Variants in MACROD2 observed in about 807,000 individuals in gnomAD.
The protein encoded by MACROD2 is mono-ADP ribosylhydrolase 2, also known as ADP-ribose glycohydrolase MACROD2.
MACROD2 carries 36 observed loss-of-function variants against 70.4 expected under a neutral mutation model. That is an observed-to-expected ratio of 0.51 (90% CI 0.39 to 0.68). MACROD2 has a LOEUF of 0.68. Ranked by LOEUF, MACROD2 falls within the 30% of genes least tolerant of loss-of-function variation. MACROD2 has a pLI of 0.00. For missense variants in MACROD2, 496 were observed against 538.4 expected (o/e 0.92, Z 0.78); for synonymous variants, 172 against 178.8 (o/e 0.96, Z 0.30).
At chr20:15,095,861 T>TG (rs2075827537) in intron 5 of MACROD2, among the ~76,000 whole-genome samples, 1 of 148,474 alleles carries the variant, frequency 6.7e-6, no homozygotes, top group African/African-American at 2.5e-5. Context: ...ACCATGTTGT[T>TG]TGTGTGTGTG....
chr20:15,515,041 A>G (rs942543995), intron 8 of MACROD2, among the ~76,000 whole-genome samples: 1 of 152,198 alleles, frequency 6.6e-6, no homozygotes, highest in Non-Finnish European at 1.5e-5. Context: ...TTGGTAATTT[A>G]TTTGTGAAAC....
chr20:15,159,421 G>T (rs1179272405), intron 5 of MACROD2, among the ~76,000 whole-genome samples: 1 of 151,854 alleles, frequency 6.6e-6, no homozygotes, highest in African/African-American at 2.4e-5. Context: ...TTCTATCTTG[G>T]TTTTTCAAAA....
At chr20:15,638,784 CA>C (rs1379710150) in intron 8 of MACROD2, among the ~76,000 whole-genome samples, 12 of 152,112 alleles carry the variant, frequency 7.9e-5, no homozygotes, top group Admixed American at 1.3e-4. Context: ...GCAAAGGGGC[CA>C]GGTGGTTAAC....
At chr20:14,813,519 C>A (rs758538253) in intron 5 of MACROD2, among the ~76,000 whole-genome samples, 1 of 152,082 alleles carries the variant, frequency 6.6e-6, no homozygotes, top group South Asian at 2.1e-4. Flanking sequence ...CATGTCCCTG[C>A]AAAGGGCATG....
At chr20:14,988,083 G>A (rs955406760) in intron 5 of MACROD2, among the ~76,000 whole-genome samples, 1 of 152,016 alleles carries the variant, frequency 6.6e-6, no homozygotes, top group African/African-American at 2.4e-5. Context: ...CTATATACAG[G>A]TCAGGCACGG....
intron 7 of MACROD2, among the ~76,000 whole-genome samples, chr20:15,452,464 G>A (rs2046656738): frequency 1.3e-5 from 2 of 152,092 alleles, no homozygotes; most frequent in Non-Finnish European, 2.9e-5. Context: ...GAAACGCTTG[G>A]TCTTTTTTAA....
chr20:14,263,921 A>G (rs978639921), intron 3 of MACROD2, among the ~76,000 whole-genome samples: 2 of 149,240 alleles, frequency 1.3e-5, no homozygotes, highest in African/African-American at 5.0e-5. Context: ...GCAGTAAGCC[A>G]TGATTGTACC....
chr20:15,133,364 T>C (rs918112761), intron 5 of MACROD2, among the ~76,000 whole-genome samples: 8 of 152,232 alleles, frequency 5.3e-5, no homozygotes, highest in East Asian at 1.9e-4. Context: ...TAGAAAAATA[T>C]GAACAGTTCA....
intron 8 of MACROD2, among the ~76,000 whole-genome samples, chr20:15,620,143 T>C (rs2049104335): frequency 6.6e-6 from 1 of 152,052 alleles, no homozygotes. Flanking sequence ...TGCATGGAGA[T>C]GGGGGACAAG....
chr20:14,066,268 A>G (rs1458402939), intron 2 of MACROD2, among the ~76,000 whole-genome samples: 2 of 152,218 alleles, frequency 1.3e-5, no homozygotes, highest in Non-Finnish European at 2.9e-5. Context: ...TCTTAAGCAT[A>G]AACACATTCT....
intron 3 of MACROD2, among the ~76,000 whole-genome samples, chr20:14,096,755 G>C (rs1311718247): frequency 6.6e-6 from 1 of 152,090 alleles, no homozygotes; most frequent in Non-Finnish European, 1.5e-5. Flanking sequence ...GAACATACTT[G>C]GTCCCTTATC....
chr20:14,250,751 A>T (rs1164980107), intron 3 of MACROD2, among the ~76,000 whole-genome samples: 2 of 152,144 alleles, frequency 1.3e-5, no homozygotes, highest in African/African-American at 4.8e-5. Flanking sequence ...TAAAGTGATA[A>T]TAATAACAGT....
chr20:14,479,649 A>G (rs1306534999), intron 3 of MACROD2, among the ~76,000 whole-genome samples: 4 of 152,128 alleles, frequency 2.6e-5, no homozygotes, highest in African/African-American at 9.7e-5. Context: ...TTACAGTTGT[A>G]TTTAGCAGGA....
chr20:15,940,241 C>G (rs1177125894), intron 12 of MACROD2, among the ~76,000 whole-genome samples: 1 of 145,854 alleles, frequency 6.9e-6, no homozygotes, highest in Non-Finnish European at 1.5e-5. Context: ...CATGCATGCA[C>G]CACCACACCT....
intron 8 of MACROD2, among the ~76,000 whole-genome samples, chr20:15,503,500 G>A (rs76082389): frequency 0.049 from 7,465 of 152,264 alleles, 281 homozygotes; most frequent in Non-Finnish European, 0.07. Flanking sequence ...AAAGGAGAAT[G>A]TGTTGTATAA....
At chr20:14,444,122 A>G (rs181917356) in intron 3 of MACROD2, among the ~76,000 whole-genome samples, 10 of 152,178 alleles carry the variant, frequency 6.6e-5, no homozygotes, top group African/African-American at 2.4e-4. Context: ...ATGGACAAAT[A>G]GGTCAATGTT....
rs895103247 is a variant in MACROD2, at chr20:14,942,424, C to T, written c.418+257465C>T. 1.3e-5 allele frequency among the ~76,000 whole-genome samples: 2 copies of T among 151,528 alleles called. 1 individual carries two copies. Among genetic ancestry groups the T allele is most frequent in the South Asian group, 4.2e-4 (2 of 4,792 alleles). On this transcript the variant is annotated intron_variant, in intron 5 of 17. Coordinates refer to ENST00000684519, the MANE Select transcript of MACROD2 (RefSeq NM_001351661.2). ...CTTCTTCTTCTCCTCTTCCTCCTTT[C>T]TCCTCCTCCTCTTCCTCCTTTCTCC...
intron 3 of MACROD2, among the ~76,000 whole-genome samples, chr20:14,398,551 T>A (rs1181245795): frequency 6.6e-6 from 1 of 152,152 alleles, no homozygotes; most frequent in Non-Finnish European, 1.5e-5. Flanking sequence ...TTGTTGGGCA[T>A]TTGTATGTCT....
intron 6 of MACROD2, among the ~76,000 whole-genome samples, chr20:15,277,993 AAAAT>A (rs1404968488): frequency 9.2e-5 from 14 of 152,338 alleles, no homozygotes; most frequent in East Asian, 1.9e-4. Context: ...ATTCAGGAAG[AAAAT>A]AAATAAACTA....
Sources: allele counts gnomAD v4.1 joint callset (sites outside exome capture counted in the v4.1 genomes callset), GRCh38; gene constraint gnomAD v4.1.1; transcripts MANE v1.5; gene names NCBI Gene and HGNC (gene_info 2026-07-23, HGNC 2026-07-21).